PLEKHD1: variants seen among roughly 807,000 people sequenced by gnomAD.
PLEKHD1 encodes the protein pleckstrin homology domain-containing family D member 1.
PLEKHD1 carries 51 observed loss-of-function variants against 69.2 expected under a neutral mutation model. The observed-to-expected ratio is 0.74, with a 90% CI of 0.59 to 0.93. The LOEUF (loss-of-function observed/expected upper bound fraction) is 0.93. Among genes scored for constraint, PLEKHD1 ranks in the 40% least tolerant of loss-of-function variants. The pLI is 0.00. For missense variants in PLEKHD1, 584 were observed against 641.0 expected (o/e 0.91, Z 0.96); for synonymous variants, 236 against 244.7 (o/e 0.96, Z 0.33).
intron 6 of PLEKHD1, among the ~76,000 whole-genome samples, chr14:69,511,802 C>T (rs568931525): frequency 2.0e-5 from 3 of 152,146 alleles, no homozygotes; most frequent in Admixed American, 6.5e-5. Context: ...CTGCCTGCCT[C>T]GGCCTCCCAA....
Position 69,484,814 on chromosome 14 carries a change from G to A in PLEKHD1, c.-152G>A. ...CCCTTGGTGCCGCGTCCAGTGCCCA[G>A]CGCGCTTTGATGCTGCAGCTCCGGG... On this transcript the variant is annotated 5_prime_UTR_variant, in exon 1 of 13. Transcript: ENST00000322564. 1.1e-6 allele frequency: 1 copy of A among 894,444 alleles called. No individual in the cohort carries two copies. Among genetic ancestry groups the A allele is most frequent in the Non-Finnish European group, 1.6e-6 (1 of 608,454 alleles). The allele number at this position is 894,444 out of a possible 1,614,324, so 55.4% of individuals were successfully genotyped here.
At chr14:69,506,711 C>T (rs974088883) in intron 6 of PLEKHD1, among the ~76,000 whole-genome samples, 4 of 152,092 alleles carry the variant, frequency 2.6e-5, no homozygotes, top group Non-Finnish European at 5.9e-5. Context: ...ATCAATGAGT[C>T]AACATTGACA....
At chr14:69,487,554 T>A (rs1882681890) in intron 1 of PLEKHD1, among the ~76,000 whole-genome samples, 1 of 151,500 alleles carries the variant, frequency 6.6e-6, no homozygotes, top group Non-Finnish European at 1.5e-5. Context: ...CTGGGTTCTA[T>A]AAAACCTTTT....
chr14:69,501,363 C>G (rs1883020812), intron 4 of PLEKHD1: 1 of 325,424 alleles, frequency 3.1e-6, no homozygotes. Context: ...CCTAGTCAGG[C>G]TAGGTCATGC....
the PLEKHD1 span, among the ~76,000 whole-genome samples, chr14:69,475,932 A>G: frequency 6.6e-6 from 1 of 152,190 alleles, no homozygotes; most frequent in Non-Finnish European, 1.5e-5. Flanking sequence ...TAGGAATATA[A>G]TTCAACCAAG....
intron 6 of PLEKHD1, among the ~76,000 whole-genome samples, chr14:69,512,311 GA>G (rs1883288186): frequency 6.6e-6 from 1 of 151,942 alleles, no homozygotes; most frequent in African/African-American, 2.4e-5. Context: ...AGAGTCTTAT[GA>G]ATTTTATTTA....
chr14:69,480,432 C>T (rs994613315), upstream of PLEKHD1, among the ~76,000 whole-genome samples: 9 of 152,144 alleles, frequency 5.9e-5, no homozygotes, highest in African/African-American at 1.4e-4. Flanking sequence ...GTAGACACGA[C>T]GTGGCCTGCC....
upstream of PLEKHD1, among the ~76,000 whole-genome samples, chr14:69,480,650 GA>G (rs928595104): frequency 6.9e-6 from 1 of 144,828 alleles, no homozygotes; most frequent in Non-Finnish European, 1.5e-5. Flanking sequence ...TTGTGTATAA[GA>G]TTTTTTTTTT....
At chr14:69,471,740 CT>C in the PLEKHD1 span, among the ~76,000 whole-genome samples, 2 of 152,210 alleles carry the variant, frequency 1.3e-5, no homozygotes, top group East Asian at 3.9e-4. Flanking sequence ...CCAAAGGTGC[CT>C]AACAGCAGAA....
chr14:69,522,391 C>T lies in PLEKHD1; in HGVS notation c.650+14C>T. ...GCAGATCAAGAGGTGGTGGTGGTGC[C>T]TGGGAATTGGGGGTGCCACTAAGTT... On this transcript the variant is annotated intron_variant, in intron 7 of 12. Transcript: ENST00000322564. 1 of 1,551,042 alleles carries T rather than the reference C, an allele frequency of 6.4e-7. No homozygotes were observed. Among genetic ancestry groups the T allele is most frequent in the African/African-American group, 1.4e-5 (1 of 73,112 alleles).
At position 69,528,462 on chromosome 14, in the gene PLEKHD1, G is replaced by C; in HGVS notation, c.*43G>C. 6.5e-7 allele frequency: 1 copy of C among 1,535,466 alleles called. No individual in the cohort carries two copies. Among genetic ancestry groups the C allele is most frequent in the Non-Finnish European group, 8.8e-7 (1 of 1,139,848 alleles). On this transcript the variant is annotated 3_prime_UTR_variant, in exon 13 of 13. Coordinates refer to ENST00000322564, the MANE Select transcript of PLEKHD1 (RefSeq NM_001161498.2). ...CTTCCCAAGTCTCCCCTGGATGGGC[G>C]GGGGAGGGGAAGGGGTGGCAGAGGG...
At chr14:69,482,893 TAAA>T (rs200607778), upstream of PLEKHD1, among the ~76,000 whole-genome samples, 88 of 129,858 alleles carry the variant, frequency 6.8e-4, 3 homozygotes, top group South Asian at 5.7e-3. Context: ...CCCATCTCTC[TAAA>T]AAAAAAAAAA....
At chr14:69,500,762 G>A in intron 3 of PLEKHD1, 96 bp downstream of exon 3, 1 of 1,516,824 alleles carries the variant, frequency 6.6e-7, no homozygotes, top group Admixed American at 2.0e-5. Flanking sequence ...GCCTGGGAGA[G>A]GGGCATCAGC....
In PLEKHD1 at chr14:69,529,909, C is replaced by G. The variant is rs1883754787; in HGVS notation, c.*1490C>G. 1 of 152,192 alleles carries G rather than the reference C, an allele frequency of 6.6e-6. No homozygotes were observed. Among genetic ancestry groups the G allele is most frequent in the Non-Finnish European group, 1.5e-5 (1 of 68,046 alleles). The allele number at this position is 152,192 out of a possible 1,614,324, so 9.4% of individuals were successfully genotyped here. On this transcript the variant is annotated 3_prime_UTR_variant, in exon 13 of 13. Coordinates refer to ENST00000322564, the MANE Select transcript of PLEKHD1 (RefSeq NM_001161498.2). ...GGTGTGTCTGTCTCTCACTCATGGA[C>G]AGACAGACTGCCCAGACCCTCTCCC...
At chr14:69,526,941 C>G in intron 10 of PLEKHD1, 112 bp downstream of exon 10, 1 of 1,404,742 alleles carries the variant, frequency 7.1e-7, no homozygotes, top group Non-Finnish European at 9.4e-7. Flanking sequence ...TCTGACCAGA[C>G]AGCCAGGCAT....
chr14:69,474,508 G>A, the PLEKHD1 span, among the ~76,000 whole-genome samples: 8 of 152,274 alleles, frequency 5.3e-5, no homozygotes, highest in South Asian at 4.1e-4. Context: ...TGCCCCACCC[G>A]CCTTGAGATG....
chr14:69,510,673 A>G (rs555448546), intron 6 of PLEKHD1, among the ~76,000 whole-genome samples: 1 of 152,338 alleles, frequency 6.6e-6, no homozygotes, highest in South Asian at 2.1e-4. Context: ...CAGATTTTCT[A>G]TATAGACAAT....
chr14:69,485,014 C>G lies in PLEKHD1; in HGVS notation c.49C>G (p.Gln17Glu), dbSNP rs775350682. The G allele has an allele frequency of 1.3e-6, 2 of 1,551,264 alleles. No homozygotes were observed. The highest frequency in any genetic ancestry group is 1.2e-5 in the South Asian group (1 of 84,054). ...GGTGTCGCCCTCGCCGTCCCTGGAG[C>G]AGGCTGACTCGGACGCCCTGGATAT... ...NSVSPSPSLE[Q>E]ADSDALDIST... is the part of the protein sequence containing the mutation. Residue 17 changes from glutamine (Q) to glutamate (E), a missense_variant, in exon 1 of 13, where the codon CAG becomes GAG. Gln to Glu is a conservative substitution (Grantham distance 29). Coordinates refer to ENST00000322564, the MANE Select transcript of PLEKHD1 (RefSeq NM_001161498.2).
At chr14:69,500,236 C>G (rs1448609615) in intron 2 of PLEKHD1, 28 bp downstream of exon 2, 3 of 1,484,370 alleles carry the variant, frequency 2.0e-6, no homozygotes, top group Admixed American at 4.0e-5. Flanking sequence ...AGGGCCACAG[C>G]AGGGGAGGGC....
Sources: allele counts gnomAD v4.1 joint callset (sites outside exome capture counted in the v4.1 genomes callset), GRCh38; gene constraint gnomAD v4.1.1; transcripts MANE v1.5; gene names NCBI Gene and HGNC (gene_info 2026-07-23, HGNC 2026-07-21).